MINAR1: variants seen among roughly 807,000 people sequenced by gnomAD.
The protein encoded by MINAR1 is major intrinsically disordered Notch2-binding receptor 1.
A neutral mutation model predicts 65.1 loss-of-function variants in MINAR1; 40 were observed. The observed-to-expected ratio is 0.61, with a 90% confidence interval of 0.48 to 0.80. The LOEUF (loss-of-function observed/expected upper bound fraction) is 0.80. MINAR1 is among the 30% of genes least tolerant of loss of function. The probability of loss-of-function intolerance (pLI) is 0.00; values close to 1 mark genes in which losing one functional copy is unlikely to be tolerated. For missense variants in MINAR1, 1,128 were observed against 1,148.0 expected (o/e 0.98, Z 0.25); for synonymous variants, 482 against 449.1 (o/e 1.07, Z -0.93).
chr15:79,437,684 G>A (rs1469404707), intron 1 of MINAR1, among the ~76,000 whole-genome samples: 1 of 100,702 alleles, frequency 9.9e-6, no homozygotes, highest in African/African-American at 3.6e-5. Context: ...TGTGGGTGGC[G>A]TGGGTAGTGA....
rs772978263 is a variant in MINAR1 at position 79,468,228 on chromosome 15, G to A, written c.2595G>A (p.Met865Ile). 8.7e-6 allele frequency: 14 copies of A among 1,614,072 alleles called. No individual in the cohort carries two copies. The highest frequency in any genetic ancestry group is 1.6e-4 in the Middle Eastern group (1 of 6,062). ...ACCCAAATAATTTAGAGTACTGGAT[G>A]GAAGACATTTATACTCCAGGATACG... The part of the protein sequence containing the change: ...SLNPNNLEYW[M>I]EDIYTPGYDS... Residue 865 changes from methionine to isoleucine, a missense_variant, in exon 4 of 4, where the codon ATG becomes ATA. Transcript: ENST00000305428.
chr15:79,421,373 T>A, the MINAR1 span: 2 of 152,072 alleles, frequency 1.3e-5, no homozygotes, highest in Admixed American at 1.3e-4. Context: ...CTATCCAGAG[T>A]GAGCAGCAAA....
chr15:79,417,577 A>G, the MINAR1 span: 1 of 152,182 alleles, frequency 6.6e-6, no homozygotes, highest in African/African-American at 2.4e-5. Context: ...TGTGTCTTCC[A>G]TCAGCTTCCC....
intron 1 of MINAR1, among the ~76,000 whole-genome samples, chr15:79,445,891 A>C (rs987365879): frequency 6.6e-6 from 1 of 152,140 alleles, no homozygotes; most frequent in Admixed American, 6.5e-5. Flanking sequence ...TAGTCTTTGC[A>C]TTTTATTTTA....
Position 79,456,675 on chromosome 15 carries a change from C to T in MINAR1, c.528C>T (p.Asn176=), listed in dbSNP as rs1895428301. 6.2e-7 allele frequency: 1 copy of T among 1,614,214 alleles called. No homozygotes were observed. Among genetic ancestry groups the T allele is most frequent in the Non-Finnish European group, 8.5e-7 (1 of 1,180,042 alleles). The part of the protein sequence containing the change: ...CPQFVPASEP[N]FLLGVSKEVK... The stretch of plus-strand genomic sequence containing the variant: ...AGTTTGTCCCTGCCTCTGAGCCTAA[C>T]TTCCTGTTGGGAGTTAGCAAAGAGG... The change falls in exon 2 of 4, where the codon AAC becomes AAT. Residue 176 remains asparagine (N), a synonymous_variant. Transcript: ENST00000305428.
chr15:79,463,853 CT>C, intron 3 of MINAR1: 1 of 428,138 alleles, frequency 2.3e-6, no homozygotes. Context: ...TTTGGCCACA[CT>C]TTTATTTTGG....
Position 79,456,529 on chromosome 15 carries a change from A to T in MINAR1, c.382A>T (p.Ile128Phe). ...TGAATCATGTAGGTCGGACACAGAGATCTGCAATGCAGCTGAGTGTGAGCC... is the reference window on the plus strand; with the variant it reads ...TGAATCATGTAGGTCGGACACAGAGTTCTGCAATGCAGCTGAGTGTGAGCC... Reference protein sequence around the residue: ...SFESCRSDTEICNAAECEPLN... With the variant: ...SFESCRSDTEFCNAAECEPLN... The change falls in exon 2 of 4, where the codon ATC becomes TTC. Residue 128 changes from isoleucine to phenylalanine, a missense_variant. Physicochemically the swap from Ile to Phe is conservative, Grantham distance 21. Coordinates refer to ENST00000305428, the MANE Select transcript of MINAR1 (RefSeq NM_015206.3). 1 of 1,614,064 alleles carries T rather than the reference A, an allele frequency of 6.2e-7. No individual in the cohort carries two copies. Among genetic ancestry groups the T allele is most frequent in the Non-Finnish European group, 8.5e-7 (1 of 1,180,032 alleles).
At chr15:79,424,609 T>G in the MINAR1 span, 1 of 152,232 alleles carries the variant, frequency 6.6e-6, no homozygotes, top group East Asian at 1.9e-4. Context: ...TAAAATTGCA[T>G]GAAAGTACAG....
intron 1 of MINAR1, among the ~76,000 whole-genome samples, chr15:79,437,769 A>G (rs114840863): frequency 9.3e-3 from 27 of 2,904 alleles, no homozygotes; most frequent in Admixed American, 0.017. Context: ...GTGGGGTGTG[A>G]GTGGGGTGGG....
At chr15:79,447,991 T>A (rs554609640) in intron 1 of MINAR1, among the ~76,000 whole-genome samples, 2 of 152,168 alleles carry the variant, frequency 1.3e-5, no homozygotes, top group Non-Finnish European at 2.9e-5. Context: ...AGAAGGACCA[T>A]CCCCTTTACT....
At chr15:79,423,549 C>T in the MINAR1 span, 1 of 152,208 alleles carries the variant, frequency 6.6e-6, no homozygotes, top group Non-Finnish European at 1.5e-5. Flanking sequence ...TCAGTGTCCC[C>T]ACACCATCCT....
intron 1 of MINAR1, among the ~76,000 whole-genome samples, chr15:79,442,048 T>C (rs936602923): frequency 3.5e-5 from 5 of 141,130 alleles, no homozygotes. Context: ...AAGGTTTTTT[T>C]ACTTTTTTTT....
intron 1 of MINAR1, among the ~76,000 whole-genome samples, chr15:79,443,665 G>T (rs899314557): frequency 1.3e-5 from 2 of 151,898 alleles, no homozygotes; most frequent in African/African-American, 4.8e-5. Context: ...CAAATTTATT[G>T]TAAGTAAATT....
upstream of MINAR1, among the ~76,000 whole-genome samples, chr15:79,428,269 C>CTTCTT (rs1203779869): frequency 8.7e-6 from 1 of 115,404 alleles, no homozygotes; most frequent in Non-Finnish European, 1.8e-5. Context: ...TCCTTCCTTT[C>CTTCTT]TTCTCCCTCT....
At chr15:79,464,861 G>A (rs1895780217) in intron 3 of MINAR1, among the ~76,000 whole-genome samples, 3 of 152,006 alleles carry the variant, frequency 2.0e-5, no homozygotes, top group Admixed American at 2.0e-4. Flanking sequence ...AGGCTAGACA[G>A]GGATTTGATT....
chr15:79,461,655 GA>G (rs1423673305), intron 2 of MINAR1, among the ~76,000 whole-genome samples: 3 of 152,222 alleles, frequency 2.0e-5, no homozygotes, highest in Non-Finnish European at 2.9e-5. Flanking sequence ...TGATGGTCTA[GA>G]ATAGCCAAAT....
At chr15:79,453,376 C>A (rs1395400028) in intron 1 of MINAR1, among the ~76,000 whole-genome samples, 1 of 152,112 alleles carries the variant, frequency 6.6e-6, no homozygotes, top group Non-Finnish European at 1.5e-5. Flanking sequence ...GGACCCCCAG[C>A]AACTCATGTC....
At chr15:79,462,729 C>A (rs1895692834) in intron 2 of MINAR1, among the ~76,000 whole-genome samples, 1 of 152,210 alleles carries the variant, frequency 6.6e-6, no homozygotes, top group Admixed American at 6.5e-5. Flanking sequence ...TAGCTCCACC[C>A]CTTACTAGCT....
intron 3 of MINAR1, among the ~76,000 whole-genome samples, chr15:79,466,502 C>T (rs1179761375): frequency 6.6e-6 from 1 of 152,104 alleles, no homozygotes; most frequent in East Asian, 1.9e-4. Flanking sequence ...ATATAATTTT[C>T]ATATGTCATA....
Sources: gnomAD v4.1 joint callset for allele counts (sites outside exome capture counted in the v4.1 genomes callset) on GRCh38, gnomAD v4.1.1 for gene constraint, MANE v1.5 for transcripts, NCBI Gene and HGNC (gene_info 2026-07-23, HGNC 2026-07-21) for gene names.